The following SLC4A10 variants were observed in gnomAD, a reference collection of about 807,000 sequenced individuals.
SLC4A10 encodes sodium-driven chloride bicarbonate exchanger.
Under a neutral mutation model 137.7 loss-of-function variants are expected in SLC4A10, and 42 were observed. That is an observed-to-expected ratio of 0.30 (90% CI 0.24 to 0.39). The LOEUF (loss-of-function observed/expected upper bound fraction) is 0.39. SLC4A10 is among the 10% of genes least tolerant of loss of function. The pLI is 1.00. For synonymous variants in SLC4A10, 474 were observed against 464.1 expected, an observed-to-expected ratio of 1.02 and a Z score of -0.27; for missense variants, 925 against 1,355.0, an observed-to-expected ratio of 0.68 and a Z score of 4.98.
rs67726464 is a variant in SLC4A10 at position 161,679,686 on chromosome 2, CGTGT to C, written c.48+55151_48+55154del. Among the ~76,000 whole-genome samples, 17 of 136,726 alleles carry C rather than the reference CGTGT, an allele frequency of 1.2e-4. No homozygotes were observed. In the East Asian group the frequency reaches 1.3e-3, roughly 10 times the overall value. The allele number at this position is 136,726 out of a possible 152,430, so 89.7% of individuals were successfully genotyped here. The stretch of plus-strand genomic sequence containing the variant: ...TTTTTTAACCTCAATTGTAGGTCAA[CGTGT>C]GTGTGTGTGTGTGTGTGTGTGTGTG... On this transcript the variant is annotated intron_variant, in intron 1 of 26. Coordinates refer to ENST00000446997, the MANE Select transcript of SLC4A10 (RefSeq NM_001178015.2).
intron 21 of SLC4A10, among the ~76,000 whole-genome samples, chr2:161,958,778 A>G (rs577573652): frequency 6.6e-6 from 1 of 152,300 alleles, no homozygotes; most frequent in African/African-American, 2.4e-5. Flanking sequence ...GTATATTAAA[A>G]CTGTAAGAGG....
intron 3 of SLC4A10, among the ~76,000 whole-genome samples, chr2:161,815,872 G>T (rs2057010983): frequency 6.6e-6 from 1 of 152,002 alleles, no homozygotes; most frequent in African/African-American, 2.4e-5. Context: ...ACTATTTTTG[G>T]ATGCCACCTA....
At chr2:161,933,182 C>CTTTTCTTTCTT (rs1690773232) in intron 15 of SLC4A10, among the ~76,000 whole-genome samples, 5 of 114,440 alleles carry the variant, frequency 4.4e-5, no homozygotes, top group African/African-American at 1.6e-4. Flanking sequence ...CCCCTTCCTT[C>CTTTTCTTTCTT]TTTTCTTTCT....
At position 161,916,861 on chromosome 2, in the gene SLC4A10, C is replaced by T. The variant is rs142570635; in HGVS notation, c.1997+10974C>T. Among the ~76,000 whole-genome samples the T allele has an allele frequency of 6.4e-3, 976 of 152,266 alleles. 2 individuals are homozygous for T. Among genetic ancestry groups the T allele is most frequent in the Admixed American group, 0.014 (209 of 15,290 alleles). ...ATGTTCAACTCCCTTCTCTCTGTCT[C>T]GCCTACCGTATATAATTTACTTATC... On this transcript the variant is annotated intron_variant, in intron 15 of 26. Transcript: ENST00000446997.
chr2:161,862,914 T>C lies in SLC4A10; in HGVS notation c.618T>C (p.Asn206=). 1 of 1,611,582 alleles carries C rather than the reference T, an allele frequency of 6.2e-7. No homozygotes were observed. Among genetic ancestry groups the C allele is most frequent in the Non-Finnish European group, 8.5e-7 (1 of 1,178,688 alleles). Residue 206 remains asparagine (N), a synonymous_variant, in exon 6 of 27, where the codon AAT becomes AAC. Transcript: ENST00000446997. ...AACAAGTGAGCTCAGGTCAGCTGAA[T>C]GAAGATGTACGCCATAGGGTCCATG... ...LDQQVSSGQL[N]EDVRHRVHEA... is the part of the protein sequence containing the mutation.
At chr2:161,981,538 A>G (rs190671015) in intron 26 of SLC4A10, among the ~76,000 whole-genome samples, 7 of 152,310 alleles carry the variant, frequency 4.6e-5, no homozygotes, top group African/African-American at 1.7e-4. Context: ...TTCCAACACC[A>G]AGCCCAGTGC....
At chr2:161,976,719 A>G (rs769556095) in intron 24 of SLC4A10, 41 bp from the exon 25 acceptor site, 3 of 1,025,882 alleles carry the variant, frequency 2.9e-6, no homozygotes, top group Non-Finnish European at 1.4e-6. Context: ...GCAGTTACTT[A>G]TGTAATGTTT....
chr2:161,835,442 G>A, intron 3 of SLC4A10, among the ~76,000 whole-genome samples: 1 of 152,126 alleles, frequency 6.6e-6, no homozygotes. Flanking sequence ...GAATGTTTAA[G>A]CAAACACCAC....
At chr2:161,832,316 T>C (rs1006316122) in intron 3 of SLC4A10, among the ~76,000 whole-genome samples, 1 of 152,184 alleles carries the variant, frequency 6.6e-6, no homozygotes, top group African/African-American at 2.4e-5. Flanking sequence ...CTAGCATCCA[T>C]AAAACTGGCA....
At chr2:161,851,772 T>C (rs1263540394) in intron 4 of SLC4A10, among the ~76,000 whole-genome samples, 2 of 152,214 alleles carry the variant, frequency 1.3e-5, no homozygotes, top group Admixed American at 1.3e-4. Flanking sequence ...ATTGTATGGG[T>C]AAGTTTATAG....
intron 1 of SLC4A10, among the ~76,000 whole-genome samples, chr2:161,625,965 A>G (rs1000656469): frequency 9.9e-5 from 15 of 152,222 alleles, no homozygotes; most frequent in Admixed American, 7.9e-4. Flanking sequence ...TTGTGGCATC[A>G]AAGTGGAGTT....
At chr2:161,784,489 C>T (rs2053402097) in intron 2 of SLC4A10, among the ~76,000 whole-genome samples, 1 of 151,742 alleles carries the variant, frequency 6.6e-6, no homozygotes, top group South Asian at 2.1e-4. Flanking sequence ...GAATAGATCA[C>T]ATATTAAGCT....
chr2:161,757,198 C>T (rs1574800710), intron 1 of SLC4A10, among the ~76,000 whole-genome samples: 1 of 152,254 alleles, frequency 6.6e-6, no homozygotes, highest in Middle Eastern at 3.4e-3. Flanking sequence ...TACATCAAAT[C>T]TCAGCAACAC....
chr2:161,704,924 T>C (rs1240669299), intron 1 of SLC4A10, among the ~76,000 whole-genome samples: 1 of 151,646 alleles, frequency 6.6e-6, no homozygotes. Context: ...CGACTGAACA[T>C]TTTTAAGACT....
chr2:161,765,314 T>C (rs1191727382), intron 1 of SLC4A10, among the ~76,000 whole-genome samples: 1 of 152,072 alleles, frequency 6.6e-6, no homozygotes, highest in East Asian at 1.9e-4. Flanking sequence ...TTATAAATGT[T>C]TATCCAATGG....
chr2:161,680,125 C>T (rs1485753513), intron 1 of SLC4A10, among the ~76,000 whole-genome samples: 2 of 152,058 alleles, frequency 1.3e-5, no homozygotes, highest in Non-Finnish European at 2.9e-5. Flanking sequence ...ATTTCGGATC[C>T]ACCATCTATG....
At chr2:161,848,735 T>C (rs1314057707) in intron 4 of SLC4A10, among the ~76,000 whole-genome samples, 1 of 152,090 alleles carries the variant, frequency 6.6e-6, no homozygotes, top group East Asian at 1.9e-4. Flanking sequence ...GTTCCATTGG[T>C]CTATGTGTCT....
At chr2:161,723,772 G>A (rs2045937332) in intron 1 of SLC4A10, among the ~76,000 whole-genome samples, 1 of 152,112 alleles carries the variant, frequency 6.6e-6, no homozygotes, top group South Asian at 2.1e-4. Context: ...TAGAACCCAG[G>A]CTTGAATATT....
At chr2:161,938,720 AAGAG>A (rs1341451740) in intron 15 of SLC4A10, among the ~76,000 whole-genome samples, 4 of 151,440 alleles carry the variant, frequency 2.6e-5, no homozygotes, top group Non-Finnish European at 5.9e-5. Context: ...AAAAAAAAAA[AAGAG>A]AGACAAAGCA....
Sources: allele counts gnomAD v4.1 joint callset (sites outside exome capture counted in the v4.1 genomes callset), GRCh38; gene constraint gnomAD v4.1.1; transcripts MANE v1.5; gene names NCBI Gene and HGNC (gene_info 2026-07-23, HGNC 2026-07-21).